The following VAT1L variants were observed in gnomAD, a reference collection of about 807,000 sequenced individuals.
The protein encoded by VAT1L is vesicle amine transport 1 like.
VAT1L carries 34 observed loss-of-function variants against 44.1 expected under a neutral mutation model. The ratio of observed to expected loss-of-function variants is 0.77; its 90% CI spans 0.59 to 1.03. The LOEUF is 1.03. VAT1L is among the 50% of genes least tolerant of loss of function. VAT1L has a pLI of 0.00. For missense variants in VAT1L, 615 were observed against 538.8 expected, an observed-to-expected ratio of 1.14 and a Z score of -1.40; for synonymous variants, 253 against 202.2, an observed-to-expected ratio of 1.25 and a Z score of -2.13.
intron 4 of VAT1L, among the ~76,000 whole-genome samples, chr16:77,866,893 G>C (rs2016980207): frequency 6.6e-6 from 1 of 152,194 alleles, no homozygotes; most frequent in Admixed American, 6.5e-5. Flanking sequence ...AGAAAGATCA[G>C]AGAGAGCACG....
chr16:77,963,027 G>A (rs1015189118), intron 7 of VAT1L, among the ~76,000 whole-genome samples: 10 of 152,166 alleles, frequency 6.6e-5, no homozygotes, highest in African/African-American at 2.2e-4. Context: ...AGTAGAGGGC[G>A]CTGGATCCTC....
intron 7 of VAT1L, among the ~76,000 whole-genome samples, chr16:77,946,731 A>G (rs1375129264): frequency 1.3e-5 from 2 of 152,014 alleles, no homozygotes; most frequent in African/African-American, 2.4e-5. Context: ...ATTGCCACCT[A>G]CCTCCCCAAC....
chr16:77,976,990 A>G (rs1422839410), intron 8 of VAT1L, among the ~76,000 whole-genome samples: 2 of 151,838 alleles, frequency 1.3e-5, no homozygotes, highest in Non-Finnish European at 2.9e-5. Context: ...AACCCTGGGG[A>G]CTCTGTGCAG....
chr16:77,848,996 C>T (rs1005368256), intron 3 of VAT1L, among the ~76,000 whole-genome samples: 1 of 152,104 alleles, frequency 6.6e-6, no homozygotes, highest in Non-Finnish European at 1.5e-5. Flanking sequence ...ACAATGAGAA[C>T]ACATGGATAT....
chr16:77,795,070 G>C (rs2015903579), intron 1 of VAT1L, among the ~76,000 whole-genome samples: 1 of 152,084 alleles, frequency 6.6e-6, no homozygotes, highest in Admixed American at 6.5e-5. Flanking sequence ...TGAACCCACT[G>C]TTTATACTTA....
At position 77,944,177 on chromosome 16, in the gene VAT1L, A is replaced by G. The variant is rs575821018; in HGVS notation, c.1078-27673A>G. On this transcript the variant is annotated intron_variant, in intron 7 of 8. Coordinates refer to ENST00000302536, the MANE Select transcript of VAT1L (RefSeq NM_020927.3). The stretch of plus-strand genomic sequence containing the variant: ...CTAAACATCTCAAGATACACAGGAT[A>G]GCCCCCTGCAACGAAGAATTATCCA... Among the ~76,000 whole-genome samples the G allele has an allele frequency of 9.2e-5, 14 of 152,272 alleles. No homozygotes were observed. In the South Asian group the frequency reaches 2.9e-3, roughly 32 times the overall value.
chr16:77,842,411 C>T (rs891174829), intron 3 of VAT1L, among the ~76,000 whole-genome samples: 40 of 152,282 alleles, frequency 2.6e-4, no homozygotes, highest in Admixed American at 2.3e-3. Flanking sequence ...AGGAGACCAA[C>T]GAGCAACCAA....
chr16:77,963,891 C>T (rs916313984), intron 7 of VAT1L, among the ~76,000 whole-genome samples: 2 of 152,198 alleles, frequency 1.3e-5, no homozygotes, highest in East Asian at 1.9e-4. Context: ...GCAAAGAGGA[C>T]GTCTTCGCAA....
At chr16:77,833,004 C>T (rs2016597222) in intron 3 of VAT1L, among the ~76,000 whole-genome samples, 1 of 152,188 alleles carries the variant, frequency 6.6e-6, no homozygotes, top group South Asian at 2.1e-4. Flanking sequence ...CCATCATTGA[C>T]CCTAAAAGGC....
In VAT1L at chr16:77,978,043, G is replaced by C. The variant is rs778710705; in HGVS notation, c.*348G>C. The C allele has an allele frequency of 4.6e-6, 1 of 219,158 alleles. No individual in the cohort carries two copies. Among genetic ancestry groups the C allele is most frequent in the African/African-American group, 2.3e-5 (1 of 43,358 alleles). The allele number at this position is 219,158 out of a possible 1,614,324, so 13.6% of individuals were successfully genotyped here. The stretch of plus-strand genomic sequence containing the variant: ...CCAGACGTGGGCAAAGACAAGTTTG[G>C]ATGGAAAGGTGTTATCACAGAGCCC... On this transcript the variant is annotated 3_prime_UTR_variant, in exon 9 of 9. Transcript: ENST00000302536.
chr16:77,972,963 G>A (rs929533341), intron 8 of VAT1L, among the ~76,000 whole-genome samples: 6 of 151,944 alleles, frequency 3.9e-5, no homozygotes, highest in African/African-American at 1.5e-4. Context: ...TGGGATTATA[G>A]GCGTGAGCTA....
At chr16:77,921,868 C>T (rs1017276306) in intron 7 of VAT1L, among the ~76,000 whole-genome samples, 1 of 152,006 alleles carries the variant, frequency 6.6e-6, no homozygotes, top group Admixed American at 6.6e-5. Context: ...CTCAGCCTCC[C>T]GAGTAGCTGG....
chr16:77,934,521 C>G (rs2017769607), intron 7 of VAT1L, among the ~76,000 whole-genome samples: 1 of 152,136 alleles, frequency 6.6e-6, no homozygotes, highest in African/African-American at 2.4e-5. Flanking sequence ...CAGCTGACAC[C>G]TTGATTTTAG....
At chr16:77,944,014 G>T (rs112751483) in intron 7 of VAT1L, among the ~76,000 whole-genome samples, 63 of 152,166 alleles carry the variant, frequency 4.1e-4, no homozygotes, top group African/African-American at 1.5e-3. Flanking sequence ...CATTTCTAAC[G>T]CTACATCAAA....
At chr16:77,930,587 C>G (rs1359296300) in intron 7 of VAT1L, among the ~76,000 whole-genome samples, 1 of 152,180 alleles carries the variant, frequency 6.6e-6, no homozygotes, top group Non-Finnish European at 1.5e-5. Flanking sequence ...CCGCTTATAT[C>G]TCAAGGTAGG....
At chr16:77,874,058 G>A (rs1017371379) in intron 4 of VAT1L, among the ~76,000 whole-genome samples, 8 of 152,150 alleles carry the variant, frequency 5.3e-5, no homozygotes, top group Non-Finnish European at 7.3e-5. Flanking sequence ...CAGTTTGTGG[G>A]AGAGAATGTG....
rs139449518 is a variant in VAT1L at position 77,812,932 on chromosome 16, T to C, written c.234-3989T>C. On this transcript the variant is annotated intron_variant, in intron 1 of 8. Transcript: ENST00000302536. ...ATACCAATCTTTGAGAAAAATAGGA[T>C]TACCTGGCAGAACTTTATGTCAGGC... is the stretch of plus-strand genomic sequence containing the variant. Among the ~76,000 whole-genome samples, 344 of 152,262 alleles carry C rather than the reference T, an allele frequency of 2.3e-3. 1 individual carries two copies. The highest frequency in any genetic ancestry group is 7.8e-3 in the African/African-American group (325 of 41,564).
intron 7 of VAT1L, among the ~76,000 whole-genome samples, chr16:77,922,463 T>C (rs1254360504): frequency 6.6e-6 from 1 of 152,182 alleles, no homozygotes; most frequent in African/African-American, 2.4e-5. Flanking sequence ...AAAATTCTTT[T>C]CCTGCCTTGG....
At chr16:77,900,096 G>T (rs1023129066) in intron 7 of VAT1L, among the ~76,000 whole-genome samples, 1 of 152,150 alleles carries the variant, frequency 6.6e-6, no homozygotes, top group African/African-American at 2.4e-5. Context: ...TGCCTTTGTG[G>T]GGATGAAGCC....
Sources: gnomAD v4.1 joint callset for allele counts (sites outside exome capture counted in the v4.1 genomes callset) on GRCh38, gnomAD v4.1.1 for gene constraint, MANE v1.5 for transcripts, NCBI Gene and HGNC (gene_info 2026-07-23, HGNC 2026-07-21) for gene names.